The following GRM3 variants were observed in gnomAD, a reference collection of about 807,000 sequenced individuals.
The protein encoded by GRM3 is glutamate metabotropic receptor 3, also known as metabotropic glutamate receptor 3.
Under a neutral mutation model 70.5 loss-of-function variants are expected in GRM3, and 26 were observed. The observed-to-expected ratio is 0.37, with a 90% CI of 0.27 to 0.51. The LOEUF is 0.51. GRM3 is among the 20% of genes least tolerant of loss of function. The probability of loss-of-function intolerance (pLI) is 0.93; values close to 1 mark genes in which losing one functional copy is unlikely to be tolerated. For synonymous variants in GRM3, 443 were observed against 434.9 expected (o/e 1.02, Z -0.23); for missense variants, 859 against 1,123.8 (o/e 0.76, Z 3.37).
chr7:86,785,944 C>G (rs1224121152), intron 2 of GRM3: 1 of 204,120 alleles, frequency 4.9e-6, no homozygotes, highest in Non-Finnish European at 9.9e-6. Context: ...TTAAAGAAAC[C>G]TGAGAGCCCA....
At chr7:86,695,254 T>A (rs1446730730) in intron 1 of GRM3, among the ~76,000 whole-genome samples, 1 of 152,162 alleles carries the variant, frequency 6.6e-6, no homozygotes, top group Non-Finnish European at 1.5e-5. Context: ...ATAAATAGAT[T>A]TAAGATTTTA....
chr7:86,837,483 T>C (rs1317408408), intron 3 of GRM3, among the ~76,000 whole-genome samples: 3 of 152,174 alleles, frequency 2.0e-5, no homozygotes, highest in African/African-American at 7.2e-5. Context: ...CTTTCCATAG[T>C]ATGGAAGTAG....
At chr7:86,753,357 T>C (rs1471565080) in intron 1 of GRM3, among the ~76,000 whole-genome samples, 1 of 152,154 alleles carries the variant, frequency 6.6e-6, no homozygotes, top group African/African-American at 2.4e-5. Flanking sequence ...GCCAAAGAGG[T>C]GGCCATGTGC....
chr7:86,822,091 G>A (rs1401157277), intron 3 of GRM3, among the ~76,000 whole-genome samples: 1 of 151,948 alleles, frequency 6.6e-6, no homozygotes, highest in African/African-American at 2.4e-5. Flanking sequence ...CAGCACAGTG[G>A]CACCAGATCT....
At chr7:86,697,411 C>T (rs1173965459) in intron 1 of GRM3, among the ~76,000 whole-genome samples, 1 of 151,988 alleles carries the variant, frequency 6.6e-6, no homozygotes, top group Non-Finnish European at 1.5e-5. Context: ...AATAATAAAG[C>T]AAGGTCAGTT....
intron 4 of GRM3, among the ~76,000 whole-genome samples, chr7:86,844,748 A>G (rs1288348801): frequency 1.3e-5 from 2 of 152,168 alleles, no homozygotes; most frequent in African/African-American, 4.8e-5. Flanking sequence ...CCCTGTTGCA[A>G]TCTACCAGGT....
intron 1 of GRM3, among the ~76,000 whole-genome samples, chr7:86,654,436 C>T (rs529381810): frequency 6.6e-6 from 1 of 152,094 alleles, no homozygotes; most frequent in African/African-American, 2.4e-5. Context: ...CTTTCTTGAC[C>T]GTTCTGATGG....
chr7:86,782,699 C>T (rs1214798244), intron 2 of GRM3, among the ~76,000 whole-genome samples: 1 of 152,160 alleles, frequency 6.6e-6, no homozygotes, highest in Admixed American at 6.5e-5. Context: ...GTTGCTGGTT[C>T]TTCTAACACC....
At chr7:86,704,485 G>T (rs1795014470) in intron 1 of GRM3, among the ~76,000 whole-genome samples, 1 of 151,806 alleles carries the variant, frequency 6.6e-6, no homozygotes, top group South Asian at 2.1e-4. Flanking sequence ...ATCTTCCTTT[G>T]TAAGTCCCAA....
At chr7:86,652,210 A>G (rs1463933759) in intron 1 of GRM3, among the ~76,000 whole-genome samples, 2 of 134,082 alleles carry the variant, frequency 1.5e-5, no homozygotes, top group Non-Finnish European at 3.1e-5. Context: ...TTGAGGTGTT[A>G]GAGTGCTCAC....
At chr7:86,848,163 T>C (rs1798692809) in intron 4 of GRM3, among the ~76,000 whole-genome samples, 1 of 152,220 alleles carries the variant, frequency 6.6e-6, no homozygotes, top group South Asian at 2.1e-4. Context: ...ACTACCATCA[T>C]TTTCAATTGA....
chr7:86,802,052 T>C (rs1023741460), intron 3 of GRM3, among the ~76,000 whole-genome samples: 1 of 152,148 alleles, frequency 6.6e-6, no homozygotes, highest in African/African-American at 2.4e-5. Context: ...AAAAGAAAAC[T>C]AGCATTTATT....
At chr7:86,759,240 C>T (rs1332700600) in intron 1 of GRM3, among the ~76,000 whole-genome samples, 1 of 152,054 alleles carries the variant, frequency 6.6e-6, no homozygotes, top group Non-Finnish European at 1.5e-5. Flanking sequence ...TCTTTTTTCT[C>T]TAAATGCTCT....
intron 3 of GRM3, among the ~76,000 whole-genome samples, chr7:86,834,188 T>C (rs559631309): frequency 6.6e-6 from 1 of 152,282 alleles, no homozygotes; most frequent in African/African-American, 2.4e-5. Context: ...TTATAAGAAA[T>C]CAGAAAAGTT....
chr7:86,748,936 G>C (rs1391607090), intron 1 of GRM3, among the ~76,000 whole-genome samples: 2 of 152,090 alleles, frequency 1.3e-5, no homozygotes, highest in African/African-American at 4.8e-5. Context: ...TCCAGAGTAA[G>C]TGCTGAAGAA....
intron 1 of GRM3, among the ~76,000 whole-genome samples, chr7:86,662,289 C>T (rs965525598): frequency 1.3e-4 from 20 of 151,872 alleles, no homozygotes; most frequent in Middle Eastern, 3.4e-3. Context: ...AACCTCTGTA[C>T]ATTTACTGCA....
At chr7:86,712,730 G>T (rs745419070) in intron 1 of GRM3, among the ~76,000 whole-genome samples, 6 of 151,912 alleles carry the variant, frequency 3.9e-5, no homozygotes, top group Non-Finnish European at 8.8e-5. Context: ...GAGAACATGC[G>T]ATATTTGTCT....
At chr7:86,826,791 T>C (rs1407046164) in intron 3 of GRM3, among the ~76,000 whole-genome samples, 1 of 152,184 alleles carries the variant, frequency 6.6e-6, no homozygotes, top group Non-Finnish European at 1.5e-5. Flanking sequence ...TGAAGGTGTG[T>C]CTTGCATATT....
chr7:86,678,483 C>T (rs529882700), intron 1 of GRM3, among the ~76,000 whole-genome samples: 18 of 152,158 alleles, frequency 1.2e-4, no homozygotes, highest in African/African-American at 3.9e-4. Context: ...AAGTAGAACA[C>T]ATGTCTTAAG....
Sources: gnomAD v4.1 joint callset for allele counts (sites outside exome capture counted in the v4.1 genomes callset) on GRCh38, gnomAD v4.1.1 for gene constraint, MANE v1.5 for transcripts, NCBI Gene and HGNC (gene_info 2026-07-23, HGNC 2026-07-21) for gene names.